ERBB4: variants seen among roughly 807,000 people sequenced by gnomAD.
ERBB4 encodes receptor tyrosine-protein kinase erbB-4.
Under a neutral mutation model 158.0 loss-of-function variants are expected in ERBB4, and 42 were observed. The observed-to-expected ratio is 0.27, with a 90% CI of 0.21 to 0.34. The LOEUF (loss-of-function observed/expected upper bound fraction) is 0.34, where lower values mean the gene tolerates loss of function less well. ERBB4 is among the 10% of genes least tolerant of loss of function. The pLI, the probability that ERBB4 is intolerant of heterozygous loss-of-function variation, is 1.00. For missense variants in ERBB4, 1,333 were observed against 1,624.1 expected (o/e 0.82, Z 3.08); for synonymous variants, 583 against 558.7 (o/e 1.04, Z -0.61).
intron 15 of ERBB4, among the ~76,000 whole-genome samples, chr2:211,661,079 G>A (rs1353987664): frequency 6.6e-6 from 1 of 152,052 alleles, no homozygotes; most frequent in Non-Finnish European, 1.5e-5. Flanking sequence ...GCAGGATGTA[G>A]GGTCAAGAAA....
chr2:212,006,502 T>G (rs1429265329), intron 2 of ERBB4, among the ~76,000 whole-genome samples: 1 of 152,054 alleles, frequency 6.6e-6, no homozygotes, highest in East Asian at 1.9e-4. Context: ...ATAATATACC[T>G]AGGGAAAATA....
intron 19 of ERBB4, among the ~76,000 whole-genome samples, chr2:211,568,905 A>G (rs981408497): frequency 2.6e-5 from 4 of 152,216 alleles, no homozygotes; most frequent in Non-Finnish European, 4.4e-5. Context: ...TTTGCTGCAG[A>G]TGGTATGAAG....
chr2:211,756,185 C>T (rs1041807566), intron 4 of ERBB4, among the ~76,000 whole-genome samples: 1 of 151,876 alleles, frequency 6.6e-6, no homozygotes, highest in Non-Finnish European at 1.5e-5. Context: ...AGGAAATAGG[C>T]AGAGGAATAG....
chr2:212,190,947 T>C (rs985974758), intron 1 of ERBB4, among the ~76,000 whole-genome samples: 1 of 152,088 alleles, frequency 6.6e-6, no homozygotes, highest in African/African-American at 2.4e-5. Flanking sequence ...GCATCTCAAT[T>C]AGACTCAGTT....
At chr2:211,418,037 A>G in intron 25 of ERBB4, among the ~76,000 whole-genome samples, 1 of 152,112 alleles carries the variant, frequency 6.6e-6, no homozygotes, top group East Asian at 1.9e-4. Flanking sequence ...CATTACCTAA[A>G]GTTTCTTAAT....
At chr2:212,469,763 A>T (rs1478820805) in intron 1 of ERBB4, among the ~76,000 whole-genome samples, 1 of 152,092 alleles carries the variant, frequency 6.6e-6, no homozygotes, top group Admixed American at 6.6e-5. Flanking sequence ...TGCCTTCCAA[A>T]ATTCTAGTGT....
At chr2:211,835,915 G>C (rs2077331043) in intron 3 of ERBB4, among the ~76,000 whole-genome samples, 1 of 151,946 alleles carries the variant, frequency 6.6e-6, no homozygotes, top group South Asian at 2.1e-4. Context: ...GAATACCTTG[G>C]GGTTGCAGGG....
intron 16 of ERBB4, among the ~76,000 whole-genome samples, chr2:211,645,948 A>G (rs1426375120): frequency 3.3e-5 from 5 of 151,586 alleles, no homozygotes; most frequent in African/African-American, 9.7e-5. Context: ...TATGTTATTT[A>G]TTTTATAATT....
At chr2:212,121,224 TTTTG>T (rs542388896) in intron 2 of ERBB4, among the ~76,000 whole-genome samples, 15 of 152,240 alleles carry the variant, frequency 9.9e-5, no homozygotes, top group African/African-American at 1.4e-4. Context: ...TATTCTGGTT[TTTTG>T]TTTGTTTGTT....
chr2:212,190,531 C>T (rs1445320379), intron 1 of ERBB4, among the ~76,000 whole-genome samples: 53 of 60,030 alleles, frequency 8.8e-4, no homozygotes, highest in African/African-American at 2.7e-3. Flanking sequence ...AGCGAGACTC[C>T]GTCTCAAAAA....
chr2:212,305,450 C>T (rs1180738642), intron 1 of ERBB4, among the ~76,000 whole-genome samples: 1 of 151,180 alleles, frequency 6.6e-6, no homozygotes, highest in East Asian at 2.0e-4. Flanking sequence ...CAGAAAAATA[C>T]ACTCCATATT....
At chr2:211,675,317 T>G (rs997697890) in intron 13 of ERBB4, among the ~76,000 whole-genome samples, 1 of 152,154 alleles carries the variant, frequency 6.6e-6, no homozygotes, top group African/African-American at 2.4e-5. Flanking sequence ...GGGATCTAGT[T>G]TTTCCAAATC....
At chr2:212,032,013 G>A in intron 2 of ERBB4, among the ~76,000 whole-genome samples, 1 of 152,070 alleles carries the variant, frequency 6.6e-6, no homozygotes, top group Non-Finnish European at 1.5e-5. Context: ...GTCTGAGTAA[G>A]AATGACTCTG....
At chr2:211,598,577 G>A (rs1470709758) in intron 19 of ERBB4, among the ~76,000 whole-genome samples, 2 of 152,156 alleles carry the variant, frequency 1.3e-5, no homozygotes, top group African/African-American at 4.8e-5. Context: ...TCTGGTCTAA[G>A]TTTCAGAAGA....
At chr2:212,241,094 A>C (rs1409739433) in intron 1 of ERBB4, among the ~76,000 whole-genome samples, 2 of 152,124 alleles carry the variant, frequency 1.3e-5, no homozygotes. Context: ...GTAATTAATA[A>C]AATTAAAGCA....
intron 25 of ERBB4, among the ~76,000 whole-genome samples, chr2:211,392,586 ACACACACACACACACC>A (rs1281947960): frequency 2.7e-5 from 4 of 150,786 alleles, no homozygotes; most frequent in Non-Finnish European, 4.4e-5. Flanking sequence ...ACACACACAC[ACACACACACACACACC>A]CCAATAATGA....
chr2:211,567,497 G>C (rs540641550), intron 19 of ERBB4, among the ~76,000 whole-genome samples: 3 of 152,230 alleles, frequency 2.0e-5, no homozygotes, highest in African/African-American at 7.2e-5. Flanking sequence ...GGTAGTATTT[G>C]ATAAATGTTA....
At chr2:212,368,894 A>G (rs756811450) in intron 1 of ERBB4, among the ~76,000 whole-genome samples, 4 of 152,114 alleles carry the variant, frequency 2.6e-5, no homozygotes, top group Non-Finnish European at 5.9e-5. Context: ...CCCTACTACT[A>G]CAAGTGCGGC....
chr2:212,321,596 C>G (rs886492777), intron 1 of ERBB4, among the ~76,000 whole-genome samples: 3 of 150,398 alleles, frequency 2.0e-5, no homozygotes, highest in South Asian at 2.1e-4. Flanking sequence ...CTACTGGAAG[C>G]TGAGATCACT....
Sources: gnomAD v4.1 joint callset for allele counts (sites outside exome capture counted in the v4.1 genomes callset) on GRCh38, gnomAD v4.1.1 for gene constraint, MANE v1.5 for transcripts, NCBI Gene and HGNC (gene_info 2026-07-23, HGNC 2026-07-21) for gene names.